The following HERPUD2 variants were observed in gnomAD, a reference collection of about 807,000 sequenced individuals.
HERPUD2 encodes the protein HERPUD family member 2.
HERPUD2 carries 13 observed loss-of-function variants against 49.9 expected under a neutral mutation model. The ratio of observed to expected loss-of-function variants is 0.26; its 90% CI spans 0.17 to 0.41. The LOEUF is 0.41. Ranked by LOEUF, HERPUD2 falls within the 10% of genes least tolerant of loss-of-function variation. HERPUD2 has a pLI of 1.00. For missense variants in HERPUD2, 449 were observed against 492.2 expected (o/e 0.91, Z 0.83); for synonymous variants, 172 against 171.4 (o/e 1.00, Z -0.03).
At chr7:35,658,701 G>A (rs990666990) in intron 5 of HERPUD2, among the ~76,000 whole-genome samples, 1 of 152,184 alleles carries the variant, frequency 6.6e-6, no homozygotes, top group African/African-American at 2.4e-5. Flanking sequence ...AGGAAAAACT[G>A]AATGTACAAA....
chr7:35,669,005 A>G (rs774482868), intron 4 of HERPUD2, among the ~76,000 whole-genome samples: 3 of 152,162 alleles, frequency 2.0e-5, no homozygotes, highest in Non-Finnish European at 4.4e-5. Flanking sequence ...TCAGGCTTTC[A>G]TAACACTGAA....
intron 5 of HERPUD2, among the ~76,000 whole-genome samples, chr7:35,660,579 G>A (rs1263774024): frequency 3.3e-5 from 5 of 152,208 alleles, no homozygotes; most frequent in African/African-American, 1.2e-4. Context: ...TCTAACTGGT[G>A]TGAGATGGCA....
At position 35,662,727 on chromosome 7, in the gene HERPUD2, C is replaced by T. The variant is rs541723341; in HGVS notation, c.494+4707G>A. Among the ~76,000 whole-genome samples the T allele has an allele frequency of 4.6e-5, 7 of 152,260 alleles. No homozygotes were observed. The South Asian group carries it at 1.5e-3, about 32-fold the overall frequency. ...GGATCAGTGGTGATATCCCCTTTAT[C>T]ATTTTTTATTGTGTCTATTTGATTC... On this transcript the variant is annotated intron_variant, in intron 5 of 8. Coordinates refer to ENST00000311350, the MANE Select transcript of HERPUD2 (RefSeq NM_022373.5).
At chr7:35,686,104 C>T (rs62454600) in intron 2 of HERPUD2, among the ~76,000 whole-genome samples, 51,250 of 151,954 alleles carry the variant, frequency 0.34, 10,372 homozygotes, top group Middle Eastern at 0.45. Context: ...AAAGCAGAGA[C>T]TTTGAGATCT....
intron 5 of HERPUD2, among the ~76,000 whole-genome samples, chr7:35,650,181 G>T (rs1212721233): frequency 6.6e-6 from 1 of 152,150 alleles, no homozygotes; most frequent in Non-Finnish European, 1.5e-5. Context: ...CACACTTCCA[G>T]TAGATCACCT....
At chr7:35,676,481 T>G (rs1214438560) in intron 2 of HERPUD2, among the ~76,000 whole-genome samples, 1 of 152,208 alleles carries the variant, frequency 6.6e-6, no homozygotes, top group African/African-American at 2.4e-5. Context: ...TTCCTTGCTC[T>G]CAGGCACAAA....
Position 35,665,696 on chromosome 7 carries a change from C to A in HERPUD2, c.494+1738G>T, listed in dbSNP as rs978818108. On this transcript the variant is annotated intron_variant, in intron 5 of 8. Coordinates refer to ENST00000311350, the MANE Select transcript of HERPUD2 (RefSeq NM_022373.5). ...TCTTCTGCATCGTTCATGCTGGGAG[C>A]TGCAGACTGGAGCTGTTCCTATTCG... is the stretch of plus-strand genomic sequence containing the variant. Among the ~76,000 whole-genome samples, 3 of 152,232 alleles carry A rather than the reference C, an allele frequency of 2.0e-5. No homozygotes were observed. In the East Asian group the frequency reaches 5.8e-4, roughly 29 times the overall value.
intron 2 of HERPUD2, among the ~76,000 whole-genome samples, chr7:35,674,414 G>T (rs1405174972): frequency 0.23 from 4,730 of 20,736 alleles, 104 homozygotes; most frequent in Non-Finnish European, 0.24. Context: ...TAGAGAGAGA[G>T]AGAGAGAGAG....
chr7:35,633,965 G>A, intron 8 of HERPUD2, 114 bp from the exon 9 acceptor site: 3 of 1,113,734 alleles, frequency 2.7e-6, no homozygotes, highest in Non-Finnish European at 3.8e-6. Context: ...TATGTATGTG[G>A]TCATTAGAAA....
chr7:35,646,859 GT>G (rs1562670636), intron 5 of HERPUD2, among the ~76,000 whole-genome samples: 2 of 151,950 alleles, frequency 1.3e-5, no homozygotes, highest in African/African-American at 4.8e-5. Context: ...CTGACAGCTT[GT>G]TTTTTTCTTT....
intron 2 of HERPUD2, among the ~76,000 whole-genome samples, chr7:35,678,597 A>G (rs1355453910): frequency 1.3e-5 from 2 of 152,184 alleles, no homozygotes; most frequent in Admixed American, 6.5e-5. Context: ...CACCACGCCC[A>G]GCCTAAAGTC....
chr7:35,670,137 A>C (rs1291010529), intron 4 of HERPUD2, 78 bp downstream of exon 4: 3 of 600,404 alleles, frequency 5.0e-6, no homozygotes, highest in African/African-American at 3.8e-5. Context: ...TTTTTCATTT[A>C]GTTTTTAGAG....
intron 5 of HERPUD2, among the ~76,000 whole-genome samples, chr7:35,651,526 G>T (rs1785167260): frequency 6.6e-6 from 1 of 152,110 alleles, no homozygotes; most frequent in Admixed American, 6.5e-5. Context: ...TATACATACA[G>T]AATCAAAGCC....
At chr7:35,641,502 G>A (rs1366882383) in intron 5 of HERPUD2, among the ~76,000 whole-genome samples, 1 of 152,136 alleles carries the variant, frequency 6.6e-6, no homozygotes. Flanking sequence ...CCAAAAAAGA[G>A]CCTGAATAGC....
At chr7:35,671,370 C>G (rs1450192696) in intron 3 of HERPUD2, among the ~76,000 whole-genome samples, 1 of 151,856 alleles carries the variant, frequency 6.6e-6, no homozygotes, top group Admixed American at 6.6e-5. Context: ...GAAGGAGTTA[C>G]TAAGGGTTAG....
chr7:35,657,560 T>C (rs1356019150), intron 5 of HERPUD2, among the ~76,000 whole-genome samples: 2 of 138,848 alleles, frequency 1.4e-5, no homozygotes, highest in Non-Finnish European at 3.0e-5. Context: ...AGTATGATCA[T>C]GCTGCTGCAC....
rs1304570683 is a variant in HERPUD2, at chr7:35,646,851, G to C, written c.495-8379C>G. On this transcript the variant is annotated intron_variant, in intron 5 of 8. Coordinates refer to ENST00000311350, the MANE Select transcript of HERPUD2 (RefSeq NM_022373.5). ...AATCACAGCTGGTGGCAGAAGTTCTGACAGCTTGTTTTTTTCTTTTCAGAT... is the reference window on the plus strand; with the variant it reads ...AATCACAGCTGGTGGCAGAAGTTCTCACAGCTTGTTTTTTTCTTTTCAGAT... Among the ~76,000 whole-genome samples the C allele has an allele frequency of 2.0e-5, 3 of 152,074 alleles. No individual in the cohort carries two copies. In the East Asian group the frequency reaches 5.8e-4, roughly 29 times the overall value.
chr7:35,660,536 C>T (rs1462034507), intron 5 of HERPUD2, among the ~76,000 whole-genome samples: 1 of 152,130 alleles, frequency 6.6e-6, no homozygotes, highest in Non-Finnish European at 1.5e-5. Context: ...CTCTCCAGCA[C>T]CTGTTGTTTC....
At position 35,635,453 on chromosome 7, in the gene HERPUD2, G is replaced by A. The variant is rs1263174544; in HGVS notation, c.623C>T (p.Ala208Val). The change falls in exon 7 of 9, where the codon GCT becomes GTT. Residue 208 changes from alanine (A) to valine (V), a missense_variant. Physicochemically the swap from Ala to Val is moderately conservative, Grantham distance 64. Transcript: ENST00000311350. ...TGATGTGGCCTGAGCTGAAACTGCA[G>A]CTTGACTGAAATAGTCACCAAAATA... is the stretch of plus-strand genomic sequence containing the variant. Reference protein sequence around the residue: ...YAHQYYMQYQAAVSAQATSNV... With the variant: ...YAHQYYMQYQVAVSAQATSNV... 4 of 1,608,256 alleles carry A rather than the reference G, an allele frequency of 2.5e-6. No individual in the cohort carries two copies. Among genetic ancestry groups the A allele is most frequent in the Non-Finnish European group, 3.4e-6 (4 of 1,175,706 alleles).
Sources: allele counts gnomAD v4.1 joint callset (sites outside exome capture counted in the v4.1 genomes callset), GRCh38; gene constraint gnomAD v4.1.1; transcripts MANE v1.5; gene names NCBI Gene and HGNC (gene_info 2026-07-23, HGNC 2026-07-21).